SULT6B1: variants seen among roughly 807,000 people sequenced by gnomAD.
SULT6B1 encodes sulfotransferase family 6B member 1, also known as sulfotransferase 6B1.
Under a neutral mutation model 37.2 loss-of-function variants are expected in SULT6B1, and 44 were observed. That is an observed-to-expected ratio of 1.18 (90% CI 0.93 to 1.52). SULT6B1 has a LOEUF of 1.52. Ranked by LOEUF, SULT6B1 falls within the 40% of genes most tolerant of loss-of-function variation. The pLI, the probability that SULT6B1 is intolerant of heterozygous loss-of-function variation, is 0.00. For synonymous variants in SULT6B1, 140 were observed against 126.0 expected, an observed-to-expected ratio of 1.11 and a Z score of -0.74; for missense variants, 450 against 361.0, an observed-to-expected ratio of 1.25 and a Z score of -2.00.
At chr2:37,186,842 G>A (rs114272747) in intron 2 of SULT6B1, among the ~76,000 whole-genome samples, 3,535 of 152,244 alleles carry the variant, frequency 0.023, 66 homozygotes, top group Middle Eastern at 0.054. Flanking sequence ...GCTGCAGTGA[G>A]CCATGATCAC....
upstream of SULT6B1, among the ~76,000 whole-genome samples, chr2:37,189,362 T>A (rs1294997893): frequency 1.3e-5 from 2 of 152,210 alleles, no homozygotes; most frequent in African/African-American, 4.8e-5. Context: ...AAAAAGAGAC[T>A]GAGGCAAGTT....
At chr2:37,168,528 T>A (rs1246497968) in intron 6 of SULT6B1, among the ~76,000 whole-genome samples, 1 of 152,194 alleles carries the variant, frequency 6.6e-6, no homozygotes, top group African/African-American at 2.4e-5. Flanking sequence ...GACTCCACCA[T>A]CTGTGGTGTG....
intron 6 of SULT6B1, 99 bp downstream of exon 6, chr2:37,171,335 A>G: frequency 7.0e-7 from 1 of 1,430,140 alleles, no homozygotes. Context: ...GGAGAAAAAT[A>G]AAACCCTATC....
At chr2:37,168,409 C>T (rs576919895) in intron 6 of SULT6B1, among the ~76,000 whole-genome samples, 1 of 152,242 alleles carries the variant, frequency 6.6e-6, no homozygotes, top group South Asian at 2.1e-4. Context: ...CCGCCAGCCT[C>T]GGCCTCCCAA....
Position 37,183,372 on chromosome 2 carries a change from T to G in SULT6B1, c.402+53A>C, listed in dbSNP as rs11569751. 3.7e-4 allele frequency: 512 copies of G among 1,382,330 alleles called. 3 individuals carry two copies. In the African/African-American group the frequency reaches 6.9e-3, roughly 19 times the overall value. The allele number at this position is 1,382,330 out of a possible 1,614,324, so 85.6% of individuals were successfully genotyped here. On this transcript the variant is annotated intron_variant, in intron 3 of 6. Coordinates refer to ENST00000535679, the MANE Select transcript of SULT6B1 (RefSeq NM_001367551.1). Reference sequence around the variant, plus strand: ...AAACTCATGATCTACTTCCAAAAACTAATATCTATACATAGAAATTTCAAA... The same window carrying G: ...AAACTCATGATCTACTTCCAAAAACGAATATCTATACATAGAAATTTCAAA...
intron 2 of SULT6B1, among the ~76,000 whole-genome samples, chr2:37,183,843 C>T (rs1437830518): frequency 1.3e-5 from 2 of 152,070 alleles, no homozygotes; most frequent in African/African-American, 4.8e-5. Flanking sequence ...AGGGTTTCAC[C>T]ATGTTGGCCT....
chr2:37,179,553 G>GT lies in SULT6B1; in HGVS notation c.433dup (p.Thr145AsnfsTer23). 6.2e-7 allele frequency: 1 copy of GT among 1,613,584 alleles called. No individual in the cohort carries two copies. Among genetic ancestry groups the GT allele is most frequent in the Non-Finnish European group, 8.5e-7 (1 of 1,179,792 alleles). ...GTGGAAATGCAAAAAAGATACTGCT[G>GT]TATCTTTAGGGTTTCGAAATATCAC... On this transcript the variant is annotated frameshift_variant, in exon 4 of 7. Transcript: ENST00000535679. LOFTEE classifies it high-confidence loss of function.
At position 37,167,934 on chromosome 2, in the gene SULT6B1, A is replaced by G. The variant is rs1231340496; in HGVS notation, c.*1T>C. 2 of 1,579,896 alleles carry G rather than the reference A, an allele frequency of 1.3e-6. No homozygotes were observed. Among genetic ancestry groups the G allele is most frequent in the Non-Finnish European group, 1.7e-6 (2 of 1,170,880 alleles). ...ATCTAGGCCTGCTGAATTGACTGGA[A>G]TCAACCCTGGCAATATGATTCATAC... On this transcript the variant is annotated 3_prime_UTR_variant, in exon 7 of 7. Coordinates refer to ENST00000535679, the MANE Select transcript of SULT6B1 (RefSeq NM_001367551.1).
At chr2:37,177,759 T>C (rs377326362) in intron 4 of SULT6B1, among the ~76,000 whole-genome samples, 2 of 152,222 alleles carry the variant, frequency 1.3e-5, no homozygotes, top group Admixed American at 6.5e-5. Context: ...ATGATAGATA[T>C]GTTAATTTGC....
At position 37,188,579 on chromosome 2, in the gene SULT6B1, G is replaced by T; in HGVS notation, c.62C>A (p.Thr21Asn). ...IDEALEKSKE[T>N]ALSHLFFTYQ... ...GGTGAAAAATAAATGAGAGAGTGCA[G>T]TTTCTTTTGATTTTTCTAAAGCTTC... The change falls in exon 1 of 7, where the codon ACT (threonine) becomes AAT (asparagine). Residue 21 changes from threonine (T) to asparagine (N), a missense_variant. By Grantham distance (65) the Thr-to-Asn change is moderately conservative (BLOSUM62 0). Transcript: ENST00000535679. 6.4e-7 allele frequency: 1 copy of T among 1,571,256 alleles called. No individual in the cohort carries two copies. Among genetic ancestry groups the T allele is most frequent in the Non-Finnish European group, 8.8e-7 (1 of 1,140,956 alleles).
intron 1 of SULT6B1, among the ~76,000 whole-genome samples, chr2:37,195,383 C>T (rs1277009804): frequency 6.6e-6 from 1 of 152,162 alleles, no homozygotes; most frequent in East Asian, 1.9e-4. Flanking sequence ...ATGTTTTTCA[C>T]AATTTATGAT....
chr2:37,182,351 T>A (rs1169622273), intron 3 of SULT6B1, among the ~76,000 whole-genome samples: 1 of 151,912 alleles, frequency 6.6e-6, no homozygotes, highest in African/African-American at 2.4e-5. Flanking sequence ...CCTCTCAGAT[T>A]CAAGCGATTC....
At chr2:37,192,275 G>C (rs1572469279), upstream of SULT6B1, among the ~76,000 whole-genome samples, 1 of 152,174 alleles carries the variant, frequency 6.6e-6, no homozygotes, top group Non-Finnish European at 1.5e-5. Flanking sequence ...TCTTGGAATT[G>C]AGGAAATTCT....
intron 4 of SULT6B1, among the ~76,000 whole-genome samples, chr2:37,176,410 C>A (rs1330996463): frequency 6.6e-6 from 1 of 151,874 alleles, no homozygotes; most frequent in African/African-American, 2.4e-5. Context: ...CAGGCACACA[C>A]CACCATGCCT....
chr2:37,192,767 A>G (rs1466048613), upstream of SULT6B1, among the ~76,000 whole-genome samples: 1 of 152,192 alleles, frequency 6.6e-6, no homozygotes, highest in Non-Finnish European at 1.5e-5. Flanking sequence ...TAAAAAGACA[A>G]TGGGTTGGAT....
intron 2 of SULT6B1, among the ~76,000 whole-genome samples, chr2:37,184,827 A>G (rs6734866): frequency 0.73 from 109,797 of 151,404 alleles, 40,129 homozygotes; most frequent in East Asian, 0.96. Context: ...GTGAGACTCC[A>G]TTTAAAAAAA....
At chr2:37,170,635 G>A (rs11896898) in intron 6 of SULT6B1, among the ~76,000 whole-genome samples, 32,515 of 150,946 alleles carry the variant, frequency 0.22, 3,679 homozygotes, top group South Asian at 0.33. Flanking sequence ...GCCAGGCGTG[G>A]TGGCGCACAC....
upstream of SULT6B1, chr2:37,188,679 A>T: frequency 1.4e-6 from 1 of 730,004 alleles, no homozygotes; most frequent in Non-Finnish European, 2.4e-6. Flanking sequence ...GTGGCTGTTC[A>T]GGGGGAGTGA....
intron 3 of SULT6B1, among the ~76,000 whole-genome samples, chr2:37,182,532 T>C (rs1156519132): frequency 6.6e-6 from 1 of 152,200 alleles, no homozygotes; most frequent in Admixed American, 6.5e-5. Context: ...TTTCACCATG[T>C]TGGCCAGGCT....
Sources: allele counts gnomAD v4.1 joint callset (sites outside exome capture counted in the v4.1 genomes callset), GRCh38; gene constraint gnomAD v4.1.1; transcripts MANE v1.5; gene names NCBI Gene and HGNC (gene_info 2026-07-23, HGNC 2026-07-21).